Variants in SNTG1 observed in about 807,000 individuals in gnomAD.
The protein encoded by SNTG1 is syntrophin gamma 1.
Under a neutral mutation model 74.7 loss-of-function variants are expected in SNTG1, and 39 were observed. That is an observed-to-expected ratio of 0.52 (90% CI 0.40 to 0.68). SNTG1 has a LOEUF of 0.68. Among genes scored for constraint, SNTG1 ranks in the 30% least tolerant of loss-of-function variants. The pLI is 0.00. For missense variants in SNTG1, 685 were observed against 609.5 expected (o/e 1.12, Z -1.30); for synonymous variants, 254 against 217.1 (o/e 1.17, Z -1.49).
intron 17 of SNTG1, among the ~76,000 whole-genome samples, chr8:50,748,127 C>A (rs915558259): frequency 3.3e-5 from 5 of 151,984 alleles, no homozygotes; most frequent in African/African-American, 1.2e-4. Context: ...TGGGTAATGT[C>A]TCCTAATTAT....
intron 2 of SNTG1, among the ~76,000 whole-genome samples, chr8:50,222,129 T>C (rs1249682591): frequency 6.6e-6 from 1 of 152,070 alleles, no homozygotes; most frequent in Non-Finnish European, 1.5e-5. Flanking sequence ...AAAAGACATA[T>C]CAAAAGGCCA....
At chr8:50,099,180 G>C (rs1015510946) in intron 1 of SNTG1, among the ~76,000 whole-genome samples, 9 of 152,072 alleles carry the variant, frequency 5.9e-5, no homozygotes, top group African/African-American at 2.2e-4. Flanking sequence ...TCCACTCTGA[G>C]TCCACTGATG....
chr8:50,007,295 C>T (rs182912091), intron 1 of SNTG1, among the ~76,000 whole-genome samples: 84 of 152,246 alleles, frequency 5.5e-4, no homozygotes, highest in Non-Finnish European at 1.0e-3. Flanking sequence ...CCAGTTCTGG[C>T]CCCTACCTGG....
intron 1 of SNTG1, among the ~76,000 whole-genome samples, chr8:49,931,737 T>C (rs1465968215): frequency 6.6e-6 from 1 of 152,170 alleles, no homozygotes; most frequent in Non-Finnish European, 1.5e-5. Flanking sequence ...ACTTGCTCAA[T>C]ATGAATGAAT....
chr8:50,783,482 G>C (rs1199450070), intron 18 of SNTG1, among the ~76,000 whole-genome samples: 1 of 152,184 alleles, frequency 6.6e-6, no homozygotes, highest in Non-Finnish European at 1.5e-5. Flanking sequence ...AGACTCCATG[G>C]GCATGGGACC....
chr8:50,384,613 G>A (rs770256472), intron 2 of SNTG1, among the ~76,000 whole-genome samples: 49 of 152,148 alleles, frequency 3.2e-4, no homozygotes, highest in Non-Finnish European at 6.5e-4. Context: ...AGCAGTGGCT[G>A]TAACCATGTT....
chr8:50,245,364 G>A (rs1200749445), intron 2 of SNTG1, among the ~76,000 whole-genome samples: 3 of 152,100 alleles, frequency 2.0e-5, no homozygotes, highest in Admixed American at 6.5e-5. Context: ...GCATGGTATG[G>A]AGGGAGGAGC....
At chr8:50,285,844 C>T (rs1330225974) in intron 2 of SNTG1, among the ~76,000 whole-genome samples, 2 of 149,676 alleles carry the variant, frequency 1.3e-5, no homozygotes, top group African/African-American at 2.5e-5. Context: ...TGCTTATTAA[C>T]GTGACAATGA....
intron 12 of SNTG1, among the ~76,000 whole-genome samples, chr8:50,572,627 A>C (rs2094555587): frequency 6.6e-6 from 1 of 152,202 alleles, no homozygotes; most frequent in South Asian, 2.1e-4. Flanking sequence ...GTAAAAGGGC[A>C]TAAAAGGAAA....
chr8:50,051,972 G>C (rs977591966), intron 1 of SNTG1, among the ~76,000 whole-genome samples: 1 of 152,114 alleles, frequency 6.6e-6, no homozygotes, highest in African/African-American at 2.4e-5. Context: ...ATATTGTTAA[G>C]ATGTTTATAC....
intron 2 of SNTG1, among the ~76,000 whole-genome samples, chr8:50,253,947 G>T (rs1169397578): frequency 2.0e-5 from 3 of 152,002 alleles, no homozygotes; most frequent in Admixed American, 6.6e-5. Flanking sequence ...AATAACCATT[G>T]ATAATTACAA....
At chr8:50,186,956 C>T (rs2083406302) in intron 2 of SNTG1, among the ~76,000 whole-genome samples, 1 of 151,820 alleles carries the variant, frequency 6.6e-6, no homozygotes, top group African/African-American at 2.4e-5. Context: ...AAGTCTTTGC[C>T]CACGCCTATT....
intron 1 of SNTG1, among the ~76,000 whole-genome samples, chr8:50,007,703 G>T (rs1037418553): frequency 1.3e-5 from 2 of 152,132 alleles, no homozygotes; most frequent in Non-Finnish European, 2.9e-5. Context: ...AGAGGGTGGG[G>T]AGATTTCTTT....
chr8:50,448,875 A>C (rs1325429336), intron 5 of SNTG1, among the ~76,000 whole-genome samples: 1 of 137,780 alleles, frequency 7.3e-6, no homozygotes, highest in Non-Finnish European at 1.6e-5. Flanking sequence ...TCTACTAAAA[A>C]TACAAAAATT....
At chr8:50,769,685 A>G (rs1178420871) in intron 18 of SNTG1, among the ~76,000 whole-genome samples, 1 of 152,046 alleles carries the variant, frequency 6.6e-6, no homozygotes, top group Non-Finnish European at 1.5e-5. Context: ...AACTGCATTC[A>G]TCATGCCACC....
chr8:50,461,916 C>T (rs968123041), intron 8 of SNTG1, among the ~76,000 whole-genome samples: 1 of 152,056 alleles, frequency 6.6e-6, no homozygotes, highest in Non-Finnish European at 1.5e-5. Flanking sequence ...GTGGTGCTTT[C>T]TAGGCCTTCT....
chr8:50,431,006 T>A (rs952689264), intron 4 of SNTG1, among the ~76,000 whole-genome samples: 1 of 152,210 alleles, frequency 6.6e-6, no homozygotes, highest in Admixed American at 6.5e-5. Flanking sequence ...GTCTTACAGA[T>A]GCTTGTGCCT....
At chr8:50,001,375 G>A (rs1415902970) in intron 1 of SNTG1, among the ~76,000 whole-genome samples, 1 of 152,044 alleles carries the variant, frequency 6.6e-6, no homozygotes, top group East Asian at 1.9e-4. Context: ...CACTTTTAGG[G>A]GGCTTATGGT....
chr8:50,305,226 T>C (rs2089837055), intron 2 of SNTG1, among the ~76,000 whole-genome samples: 2 of 152,140 alleles, frequency 1.3e-5, no homozygotes, highest in African/African-American at 4.8e-5. Context: ...TTTATTAGTA[T>C]CTTAAGTATA....
Sources: allele counts gnomAD v4.1 joint callset (sites outside exome capture counted in the v4.1 genomes callset), GRCh38; gene constraint gnomAD v4.1.1; transcripts MANE v1.5; gene names NCBI Gene and HGNC (gene_info 2026-07-23, HGNC 2026-07-21).